KMT2C: variants seen among roughly 807,000 people sequenced by gnomAD.
KMT2C encodes histone-lysine N-methyltransferase 2C.
A neutral mutation model predicts 507.9 loss-of-function variants in KMT2C; 88 were observed. The ratio of observed to expected loss-of-function variants is 0.17; its 90% CI spans 0.15 to 0.21. KMT2C has a LOEUF of 0.21. Among genes scored for constraint, KMT2C ranks in the 10% least tolerant of loss-of-function variants. KMT2C has a pLI of 1.00. For synonymous variants in KMT2C, 2,049 were observed against 2,080.8 expected, an observed-to-expected ratio of 0.98 and a Z score of 0.42; for missense variants, 4,954 against 5,957.8, an observed-to-expected ratio of 0.83 and a Z score of 5.55.
intron 1 of KMT2C, among the ~76,000 whole-genome samples, chr7:152,408,003 A>G (rs1019769318): frequency 6.6e-6 from 1 of 152,306 alleles, no homozygotes; most frequent in African/African-American, 2.4e-5. Context: ...AATAGTGGCC[A>G]AGGTGGCCGG....
intron 6 of KMT2C, among the ~76,000 whole-genome samples, chr7:152,288,102 T>C (rs2096339268): frequency 9.0e-6 from 1 of 111,174 alleles, no homozygotes; most frequent in Non-Finnish European, 1.9e-5. Flanking sequence ...TGCAAAGAAA[T>C]CAAGAAAGAA....
chr7:152,385,383 C>T lies in KMT2C; in HGVS notation c.162-26708G>A, dbSNP rs1589633937. Among the ~76,000 whole-genome samples, 5 of 136,886 alleles carry T rather than the reference C, an allele frequency of 3.7e-5. 1 individual carries two copies. In the South Asian group the frequency reaches 6.7e-4, roughly 18 times the overall value. The allele number at this position is 136,886 out of a possible 152,430, so 89.8% of individuals were successfully genotyped here. On this transcript the variant is annotated intron_variant, in intron 1 of 58. Coordinates refer to ENST00000262189, the MANE Select transcript of KMT2C (RefSeq NM_170606.3). ...ATCCCAGCACTTTGGGAGGCCGAGG[C>T]GGGCGGATCACGAGGTCAGGAGATC... is the stretch of plus-strand genomic sequence containing the variant.
intron 2 of KMT2C, among the ~76,000 whole-genome samples, chr7:152,335,370 G>A (rs2096924432): frequency 6.6e-6 from 1 of 152,074 alleles, no homozygotes; most frequent in African/African-American, 2.4e-5. Flanking sequence ...CTTACTACTG[G>A]GTAACAAGAA....
intron 1 of KMT2C, among the ~76,000 whole-genome samples, chr7:152,372,003 G>T (rs542530852): frequency 6.6e-6 from 1 of 151,646 alleles, no homozygotes; most frequent in Non-Finnish European, 1.5e-5. Context: ...CCAAAAAATC[G>T]TCAAATCACA....
At position 152,199,392 on chromosome 7, in the gene KMT2C, G is replaced by A. The variant is rs2129133093; in HGVS notation, c.4160C>T (p.Ser1387Leu). The change falls in exon 27 of 59, where the codon TCA (serine) becomes TTA (leucine). Residue 1387 changes from serine (S) to leucine (L), a missense_variant. By Grantham distance (145) the Ser-to-Leu change is moderately radical (BLOSUM62 -2). Coordinates refer to ENST00000262189, the MANE Select transcript of KMT2C (RefSeq NM_170606.3). ...ATATAAAAGCTGAGCTCCATCTTCT[G>A]ACAGATTATCTAAACTTATCTTGCT... ...RQSKISLDNLSEDGAQLLYKT... is the reference protein window; with the variant it reads ...RQSKISLDNLLEDGAQLLYKT... 1 of 1,599,676 alleles carries A rather than the reference G, an allele frequency of 6.3e-7. No homozygotes were observed. Among genetic ancestry groups the A allele is most frequent in the Non-Finnish European group, 8.5e-7 (1 of 1,174,806 alleles).
chr7:152,214,196 C>T (rs948797556), intron 23 of KMT2C, among the ~76,000 whole-genome samples: 1 of 151,572 alleles, frequency 6.6e-6, no homozygotes, highest in Non-Finnish European at 1.5e-5. Context: ...ACCATAAGAT[C>T]CAACAATGCC....
intron 6 of KMT2C, among the ~76,000 whole-genome samples, chr7:152,302,932 C>T (rs1355711878): frequency 1.3e-5 from 2 of 152,148 alleles, no homozygotes; most frequent in African/African-American, 4.8e-5. Flanking sequence ...GCATGAGACG[C>T]CGCGCCTGGC....
chr7:152,187,779 A>C lies in KMT2C; in HGVS notation c.4729T>G (p.Leu1577Val), dbSNP rs759579664. 4.0e-5 allele frequency: 64 copies of C among 1,614,026 alleles called. No homozygotes were observed. Among genetic ancestry groups the C allele is most frequent in the Admixed American group, 5.0e-5 (3 of 60,000 alleles). ...GTTCCCAGTCCGCTTCCAGGTGGCA[A>C]AGAATTATGTGGGAGATGAGGACTG... ...GSSPHLPHNS[L>V]PPGSGLGTFS... is the part of the protein sequence containing the mutation. Residue 1577 changes from leucine to valine, a missense_variant, in exon 32 of 59, where the codon TTG (leucine) becomes GTG (valine). By Grantham distance (32) the Leu-to-Val change is conservative. This residue lies in a region of KMT2C where 195 missense variants were observed against 183.7 expected (regional missense o/e 1.06). Transcript: ENST00000262189.
chr7:152,152,831 G>A lies in KMT2C; in HGVS notation c.12400C>T (p.Pro4134Ser), dbSNP rs2129097597. 12 of 1,614,170 alleles carry A rather than the reference G, an allele frequency of 7.4e-6. No homozygotes were observed. The highest frequency in any genetic ancestry group is 1.0e-5 in the Non-Finnish European group (12 of 1,180,028). ...AAATGCTGTCGATACTCCAAACCCG[G>A]GTTGATTCTGTGGCTACTGACCAAA... is the stretch of plus-strand genomic sequence containing the variant. Reference protein sequence around the residue: ...MGLVSSHRINPGLEYRQHLLL... With the variant: ...MGLVSSHRINSGLEYRQHLLL... Residue 4134 changes from proline (P) to serine (S), a missense_variant, in exon 49 of 59, where the codon CCG becomes TCG. By Grantham distance (74) the Pro-to-Ser change is moderately conservative (BLOSUM62 -1). Around this residue, in one of 29 missense-constraint regions of KMT2C, gnomAD observed 417 missense variants for 461.1 expected, o/e 0.90. Transcript: ENST00000262189.
At chr7:152,214,063 A>C (rs1198754225) in intron 23 of KMT2C, among the ~76,000 whole-genome samples, 1 of 152,176 alleles carries the variant, frequency 6.6e-6, no homozygotes, top group East Asian at 1.9e-4. Flanking sequence ...AAAAAGGCAA[A>C]GACATAAGTG....
intron 48 of KMT2C, among the ~76,000 whole-genome samples, chr7:152,153,557 C>A (rs2091816334): frequency 6.6e-6 from 1 of 152,026 alleles, no homozygotes; most frequent in African/African-American, 2.4e-5. Context: ...TCTCTGTTAA[C>A]AGTTACAAAG....
intron 16 of KMT2C, among the ~76,000 whole-genome samples, chr7:152,230,805 C>T (rs567322262): frequency 2.5e-4 from 38 of 152,222 alleles, no homozygotes; most frequent in African/African-American, 8.2e-4. Flanking sequence ...AAATTAATTT[C>T]GCCTGTTCAC....
chr7:152,163,360 T>C lies in KMT2C; in HGVS notation c.10217A>G (p.Glu3406Gly). 1 of 1,614,240 alleles carries C rather than the reference T, an allele frequency of 6.2e-7. No homozygotes were observed. Among genetic ancestry groups the C allele is most frequent in the Non-Finnish European group, 8.5e-7 (1 of 1,180,036 alleles). Reference protein sequence around the residue: ...QERERKERLREQQERQRIQLM... With the variant: ...QERERKERLRGQQERQRIQLM... ...TTGGATCCGTTGTCTCTCTTGCTGTTCTCGTAAACGTTCCTTACGTTCCCG... is the reference window on the plus strand; with the variant it reads ...TTGGATCCGTTGTCTCTCTTGCTGTCCTCGTAAACGTTCCTTACGTTCCCG... Residue 3406 changes from glutamate to glycine, a missense_variant, in exon 43 of 59, where the codon GAA becomes GGA. Glu to Gly is a moderately conservative substitution (Grantham distance 98). Coordinates refer to ENST00000262189, the MANE Select transcript of KMT2C (RefSeq NM_170606.3).
rs1400921547 is a variant in KMT2C at position 152,134,935 on chromosome 7, A to C, written c.*1897T>G. ...AGCTCTAGGCAGCTCTTATAGATGT[A>C]AAATATTTTATTTGTAAATGGTGAT... On this transcript the variant is annotated 3_prime_UTR_variant, in exon 59 of 59. Coordinates refer to ENST00000262189, the MANE Select transcript of KMT2C (RefSeq NM_170606.3). 2 of 217,216 alleles carry C rather than the reference A, an allele frequency of 9.2e-6. No individual in the cohort carries two copies. Among genetic ancestry groups the C allele is most frequent in the Non-Finnish European group, 1.9e-5 (2 of 107,690 alleles). 13.5% of individuals were successfully genotyped at this position (217,216 alleles called of 1,614,324 possible). A position where few individuals can be genotyped will look rare whatever the true frequency, so the allele number is the denominator to read the frequency against.
At chr7:152,185,316 C>T (rs1016809103) in intron 34 of KMT2C, among the ~76,000 whole-genome samples, 1 of 152,064 alleles carries the variant, frequency 6.6e-6, no homozygotes, top group Non-Finnish European at 1.5e-5. Flanking sequence ...TTACTCCTTC[C>T]CCCCTAAAAC....
chr7:152,230,887 G>A (rs1274072335), intron 16 of KMT2C, among the ~76,000 whole-genome samples: 1 of 152,222 alleles, frequency 6.6e-6, no homozygotes, highest in Non-Finnish European at 1.5e-5. Context: ...GCGCGATCTC[G>A]GCTCGTTGCA....
intron 2 of KMT2C, among the ~76,000 whole-genome samples, chr7:152,336,722 T>C (rs774758871): frequency 3.3e-5 from 5 of 152,182 alleles, no homozygotes; most frequent in Non-Finnish European, 7.3e-5. Flanking sequence ...CTGTGGAAAT[T>C]GGAGCAGACA....
chr7:152,182,895 C>A (rs2093480528), intron 35 of KMT2C, 79 bp downstream of exon 35: 1 of 1,046,382 alleles, frequency 9.6e-7, no homozygotes, highest in East Asian at 2.4e-5. Flanking sequence ...GAACTATATT[C>A]TAAAATAATA....
rs2129138546 is a variant in KMT2C, at chr7:152,207,363, C to T, written c.3778G>A (p.Glu1260Lys). Residue 1260 changes from glutamate to lysine, a missense_variant, in exon 24 of 59, where the codon GAA becomes AAA. Physicochemically the swap from Glu to Lys is moderately conservative, Grantham distance 56. This residue lies in a region of KMT2C where 176 missense variants were observed against 262.0 expected (regional missense o/e 0.67). Transcript: ENST00000262189. ...SSPEREAVDDETKGVEGTDGV... is the reference protein window; with the variant it reads ...SSPEREAVDDKTKGVEGTDGV... ...TCTGTTCCTTCCACTCCCTTAGTTT[C>T]ATCATCCACAGCTTCCCGCTCAGGA... 6.2e-7 allele frequency: 1 copy of T among 1,611,962 alleles called. No homozygotes were observed. The highest frequency in any genetic ancestry group is 1.7e-5 in the Admixed American group (1 of 59,628).
Sources: gnomAD v4.1 joint callset for allele counts (sites outside exome capture counted in the v4.1 genomes callset) on GRCh38, gnomAD v4.1.1 for gene constraint, gnomAD v4.1.1 regional missense constraint, MANE v1.5 for transcripts, NCBI Gene and HGNC (gene_info 2026-07-23, HGNC 2026-07-21) for gene names.